ANO4: variants seen among roughly 807,000 people sequenced by gnomAD.
ANO4 encodes the protein anoctamin-4.
Under a neutral mutation model 141.9 loss-of-function variants are expected in ANO4, and 69 were observed. That is an observed-to-expected ratio of 0.49 (90% CI 0.40 to 0.59). ANO4 has a LOEUF of 0.59. ANO4 is among the 20% of genes least tolerant of loss of function. The probability of loss-of-function intolerance (pLI) is 0.00; values close to 1 mark genes in which losing one functional copy is unlikely to be tolerated. For synonymous variants in ANO4, 350 were observed against 394.3 expected (o/e 0.89, Z 1.33); for missense variants, 894 against 1,162.2 (o/e 0.77, Z 3.36).
intron 1 of ANO4, among the ~76,000 whole-genome samples, chr12:100,900,195 T>TTC (rs1034586833): frequency 6.6e-6 from 1 of 151,232 alleles, no homozygotes; most frequent in Non-Finnish European, 1.5e-5. Context: ...CTTCCAGCCT[T>TTC]TCTCTCTCTC....
intron 1 of ANO4, among the ~76,000 whole-genome samples, chr12:100,872,064 A>AT (rs1356589357): frequency 6.6e-6 from 1 of 152,196 alleles, no homozygotes; most frequent in Non-Finnish European, 1.5e-5. Context: ...TGTTGTATCG[A>AT]TGATGCTGTT....
intron 8 of ANO4, among the ~76,000 whole-genome samples, chr12:100,990,614 A>G (rs138983127): frequency 2.2e-3 from 331 of 152,298 alleles, no homozygotes; most frequent in Middle Eastern, 0.01. Context: ...CAGAGGGTAT[A>G]AAGATAAACA....
chr12:100,988,153 C>T (rs141980366), intron 8 of ANO4, among the ~76,000 whole-genome samples: 2,412 of 152,266 alleles, frequency 0.016, 24 homozygotes, highest in Non-Finnish European at 0.021. Context: ...GGAAAAGCCA[C>T]ATCACCTGGC....
At chr12:100,733,567 G>A (rs1414547882) in intron 1 of ANO4, among the ~76,000 whole-genome samples, 1 of 152,158 alleles carries the variant, frequency 6.6e-6, no homozygotes, top group Non-Finnish European at 1.5e-5. Flanking sequence ...TGTCTGGGTT[G>A]TTTATTGATA....
At chr12:100,788,955 A>G (rs113826785) in intron 3 of ANO4, among the ~76,000 whole-genome samples, 38 of 152,026 alleles carry the variant, frequency 2.5e-4, no homozygotes, top group African/African-American at 8.4e-4. Context: ...GGATCTAAGG[A>G]AAAGGGGTTC....
intron 3 of ANO4, among the ~76,000 whole-genome samples, chr12:100,753,394 C>CCTTTAGGCTGGGCCTTT (rs2032469239): frequency 1.3e-5 from 2 of 152,144 alleles, no homozygotes; most frequent in Non-Finnish European, 2.9e-5. Context: ...CAAGTGGGCT[C>CCTTTAGGCTGGGCCTTT]AGATCTGAGT....
chr12:100,775,970 A>G (rs1325207302), intron 3 of ANO4, among the ~76,000 whole-genome samples: 1 of 152,104 alleles, frequency 6.6e-6, no homozygotes, highest in Non-Finnish European at 1.5e-5. Context: ...CCAGTTGATG[A>G]ATATAGGCAG....
At chr12:100,939,933 T>C (rs1055620076) in intron 4 of ANO4, among the ~76,000 whole-genome samples, 1 of 152,172 alleles carries the variant, frequency 6.6e-6, no homozygotes, top group Non-Finnish European at 1.5e-5. Context: ...GAAAAATTAG[T>C]ATTTTTTTTG....
intron 3 of ANO4, among the ~76,000 whole-genome samples, chr12:100,757,231 T>C (rs972233295): frequency 6.6e-6 from 1 of 152,154 alleles, no homozygotes. Context: ...CTATCCCCAA[T>C]CTCCCTGCCT....
chr12:100,899,378 C>T (rs901722655), intron 1 of ANO4, among the ~76,000 whole-genome samples: 4 of 152,236 alleles, frequency 2.6e-5, no homozygotes, highest in Non-Finnish European at 5.9e-5. Context: ...TGAAAACTCT[C>T]TTCCTGTACT....
At chr12:101,120,758 AAC>A in intron 26 of ANO4, 133 bp downstream of exon 26, 1 of 669,396 alleles carries the variant, frequency 1.5e-6, no homozygotes, top group Non-Finnish European at 2.5e-6. Context: ...CATATTATGT[AAC>A]CTCTTTTTGA....
chr12:101,012,394 G>C (rs2046133492), intron 8 of ANO4, among the ~76,000 whole-genome samples: 1 of 152,118 alleles, frequency 6.6e-6, no homozygotes, highest in Non-Finnish European at 1.5e-5. Context: ...AGAGATTATT[G>C]GGGCAGGAGA....
At chr12:100,736,768 A>C (rs2031636850) in intron 2 of ANO4, among the ~76,000 whole-genome samples, 1 of 152,184 alleles carries the variant, frequency 6.6e-6, no homozygotes, top group Admixed American at 6.5e-5. Flanking sequence ...GAGACCATAC[A>C]GAGAGAGCTG....
intron 1 of ANO4, among the ~76,000 whole-genome samples, chr12:100,841,043 T>C (rs924156816): frequency 6.6e-6 from 1 of 152,020 alleles, no homozygotes. Flanking sequence ...TGAGTCTTAA[T>C]AGGAGGTGAG....
At chr12:101,035,482 C>G (rs974289228) in intron 9 of ANO4, among the ~76,000 whole-genome samples, 2 of 152,056 alleles carry the variant, frequency 1.3e-5, no homozygotes, top group Admixed American at 1.3e-4. Context: ...ATACTTATGT[C>G]GAAACATCTA....
chr12:100,894,065 C>A (rs1224040847), intron 1 of ANO4, among the ~76,000 whole-genome samples: 1 of 152,102 alleles, frequency 6.6e-6, no homozygotes, highest in Non-Finnish European at 1.5e-5. Context: ...TAGTCCTTAG[C>A]ATGTTGGTTT....
intron 24 of ANO4, among the ~76,000 whole-genome samples, chr12:101,113,975 T>A (rs540739824): frequency 6.6e-6 from 1 of 152,196 alleles, no homozygotes; most frequent in Non-Finnish European, 1.5e-5. Context: ...AAAACTGACT[T>A]TATATTCACA....
intron 1 of ANO4, among the ~76,000 whole-genome samples, chr12:100,813,320 T>C (rs566509235): frequency 6.6e-6 from 1 of 152,188 alleles, no homozygotes; most frequent in Non-Finnish European, 1.5e-5. Context: ...CTCCAAGGGC[T>C]TTAAATAGGT....
In ANO4 at chr12:101,016,990, A is replaced by G. The variant is rs146511063; in HGVS notation, c.735-3044A>G. On this transcript the variant is annotated intron_variant, in intron 8 of 27. Coordinates refer to ENST00000392977, the MANE Select transcript of ANO4 (RefSeq NM_001286615.2). ...TGACTGCAGAGTATTGAGATAAATC[A>G]GAGTGTTCAGCATACTCAGAGCTAA... is the stretch of plus-strand genomic sequence containing the variant. Among the ~76,000 whole-genome samples, 13 of 152,338 alleles carry G rather than the reference A, an allele frequency of 8.5e-5. No individual in the cohort carries two copies. In the East Asian group the frequency reaches 2.5e-3, roughly 29 times the overall value.
Sources: allele counts gnomAD v4.1 joint callset (sites outside exome capture counted in the v4.1 genomes callset), GRCh38; gene constraint gnomAD v4.1.1; transcripts MANE v1.5; gene names NCBI Gene and HGNC (gene_info 2026-07-23, HGNC 2026-07-21).